OSGEPL1: variants seen among roughly 807,000 people sequenced by gnomAD.
OSGEPL1 encodes the protein O-sialoglycoprotein endopeptidase like 1.
Under a neutral mutation model 37.2 loss-of-function variants are expected in OSGEPL1, and 26 were observed. That is an observed-to-expected ratio of 0.70 (90% CI 0.51 to 0.97). OSGEPL1 has a LOEUF of 0.97. OSGEPL1 is among the 50% of genes least tolerant of loss of function. OSGEPL1 has a pLI of 0.00. For missense variants in OSGEPL1, 404 were observed against 487.0 expected (o/e 0.83, Z 1.60); for synonymous variants, 140 against 159.9 (o/e 0.88, Z 0.94).
intron 8 of OSGEPL1, 37 bp downstream of exon 8, chr2:189,750,513 C>T (rs945628694): frequency 1.2e-6 from 1 of 822,282 alleles, no homozygotes; most frequent in African/African-American, 1.7e-5. Flanking sequence ...ATTTGATACA[C>T]AAAACAATAA....
chr2:189,763,015 A>C, upstream of OSGEPL1: 1 of 985,328 alleles, frequency 1.0e-6, no homozygotes, highest in Non-Finnish European at 1.2e-6. Context: ...ACACAACATC[A>C]AGTTCCAAAC....
intron 5 of OSGEPL1, among the ~76,000 whole-genome samples, chr2:189,753,436 G>T (rs2045597200): frequency 6.6e-6 from 1 of 151,990 alleles, no homozygotes; most frequent in Admixed American, 6.6e-5. Context: ...TGTTTGTCAA[G>T]GCTTTTAAGC....
Position 189,761,605 on chromosome 2 carries a change from A to T in OSGEPL1, c.36T>A (p.Phe12Leu). The change falls in exon 2 of 9, where the codon TTT (phenylalanine) becomes TTA (leucine). Residue 12 changes from phenylalanine to leucine, a missense_variant. Physicochemically the swap from Phe to Leu is conservative, Grantham distance 22. Coordinates refer to ENST00000264151, the MANE Select transcript of OSGEPL1 (RefSeq NM_022353.3). ...LILTKTAGVF[F>L]KPSKRKVYEF... is the part of the protein sequence containing the mutation. Reference sequence around the variant, plus strand: ...CATAAACTTTCCTTTTTGATGGTTTAAAAAAAACTCCTGCAGTCTTAGTCA... The same window carrying T: ...CATAAACTTTCCTTTTTGATGGTTTTAAAAAAACTCCTGCAGTCTTAGTCA... 2 of 1,603,020 alleles carry T rather than the reference A, an allele frequency of 1.2e-6. No individual in the cohort carries two copies. The highest frequency in any genetic ancestry group is 1.7e-6 in the Non-Finnish European group (2 of 1,174,814).
chr2:189,751,116 A>T (rs114619732), intron 7 of OSGEPL1, among the ~76,000 whole-genome samples: 1,583 of 152,258 alleles, frequency 0.01, 36 homozygotes, highest in African/African-American at 0.036. Flanking sequence ...CTTTGCCATT[A>T]CTAGCCAAAG....
At chr2:189,759,136 C>G (rs529076805) in intron 2 of OSGEPL1, among the ~76,000 whole-genome samples, 1 of 152,334 alleles carries the variant, frequency 6.6e-6, no homozygotes, top group South Asian at 2.1e-4. Flanking sequence ...CAGTGCCTTA[C>G]TAATATCCAA....
chr2:189,760,364 G>C (rs1003596814), intron 2 of OSGEPL1, among the ~76,000 whole-genome samples: 3 of 152,094 alleles, frequency 2.0e-5, no homozygotes, highest in African/African-American at 7.2e-5. Flanking sequence ...CCTAAGACGG[G>C]GCGGCTGCCG....
intron 8 of OSGEPL1, among the ~76,000 whole-genome samples, chr2:189,749,276 T>G (rs917045331): frequency 9.2e-6 from 1 of 108,560 alleles, no homozygotes; most frequent in Non-Finnish European, 1.8e-5. Context: ...AAGATTATTT[T>G]TATTACTCCA....
At position 189,762,698 on chromosome 2, in the gene OSGEPL1, G is replaced by A. The variant is rs1468560897; in HGVS notation, c.-34C>T. On this transcript the variant is annotated 5_prime_UTR_variant, in exon 1 of 9. Transcript: ENST00000264151. ...AATTTCACCCACCTTCCACTTGGGC[G>A]GCAGTAGCTAGCACTTGTCTCCTTT... The A allele has an allele frequency of 2.0e-6, 2 of 985,388 alleles. No individual in the cohort carries two copies. Among genetic ancestry groups the A allele is most frequent in the Non-Finnish European group, 2.4e-6 (2 of 829,954 alleles). The allele number at this position is 985,388 out of a possible 1,614,324, so 61.0% of individuals were successfully genotyped here. A position where few individuals can be genotyped will look rare whatever the true frequency, so the allele number is the denominator to read the frequency against.
At chr2:189,755,651 T>A in intron 2 of OSGEPL1, 91 bp from the exon 3 acceptor site, 1 of 1,362,700 alleles carries the variant, frequency 7.3e-7, no homozygotes, top group Non-Finnish European at 9.9e-7. Context: ...TTCAAGTTAA[T>A]CATTATATAG....
chr2:189,758,965 G>C (rs1034214775), intron 2 of OSGEPL1, among the ~76,000 whole-genome samples: 1 of 152,174 alleles, frequency 6.6e-6, no homozygotes, highest in Non-Finnish European at 1.5e-5. Flanking sequence ...AAAACTGAAA[G>C]GACTGTGAAG....
intron 2 of OSGEPL1, among the ~76,000 whole-genome samples, chr2:189,758,324 T>G (rs937385986): frequency 9.9e-5 from 15 of 151,994 alleles, no homozygotes; most frequent in Non-Finnish European, 1.8e-4. Context: ...GAGGTTGTGA[T>G]GAGCCAAGAT....
Position 189,755,445 on chromosome 2 carries a change from C to T in OSGEPL1, c.337G>A (p.Ala113Thr). ...GCAAGTCCTGGTTTTATGGTAGTTG[C>T]AATTGCTGAGAGGTCACTTGGAGAG... ...GVSPSDLSAI[A>T]TTIKPGLALS... is the part of the protein sequence containing the mutation. Residue 113 changes from alanine to threonine, a missense_variant, in exon 3 of 9, where the codon GCA becomes ACA. Transcript: ENST00000264151. 1.2e-6 allele frequency: 2 copies of T among 1,607,588 alleles called. No homozygotes were observed. The highest frequency in any genetic ancestry group is 2.2e-5 in the South Asian group (2 of 89,860).
In OSGEPL1 at chr2:189,755,219, A is replaced by T. The variant is rs980335497; in HGVS notation, c.563T>A (p.Leu188His). ...ALVQGVSDFL[L>H]LGKSLDIAPG... is the part of the protein sequence containing the mutation. ...TGCTATGTCCAAAGACTTTCCAAGA[A>T]GCAGAAAATCTGAAACTCCTTGAAC... Residue 188 changes from leucine (L) to histidine (H), a missense_variant, in exon 3 of 9, where the codon CTT becomes CAT. By Grantham distance (99) the Leu-to-His change is moderately conservative (BLOSUM62 -3). Transcript: ENST00000264151. 6 of 1,612,016 alleles carry T rather than the reference A, an allele frequency of 3.7e-6. No individual in the cohort carries two copies. Among genetic ancestry groups the T allele is most frequent in the African/African-American group, 1.3e-5 (1 of 74,844 alleles).
At position 189,752,896 on chromosome 2, in the gene OSGEPL1, C is replaced by T. The variant is rs1421957773; in HGVS notation, c.1047G>A (p.Leu349=). The change falls in exon 6 of 9, where the codon TTG becomes TTA. Residue 349 remains leucine (L), a synonymous_variant. Transcript: ENST00000264151. ...CAGTGCATAGTCTGGGAGGAGGACA[C>T]AACAAAGTGCACTGTGTTGCATTTG... ...ILTNATQCTL[L]CPPPRLCTDN... 3 of 1,613,874 alleles carry T rather than the reference C, an allele frequency of 1.9e-6. No homozygotes were observed. In the South Asian group the frequency reaches 3.3e-5, roughly 18 times the overall value.
Position 189,752,715 on chromosome 2 carries a change from A to G in OSGEPL1, c.1104T>C (p.Ile368=). ...DNGIMIAWNG[I]ERLRAGLGIL... is the part of the protein sequence containing the mutation. The stretch of plus-strand genomic sequence containing the variant: ...TGCCCAAGCCAGCACGTAGTCTTTC[A>G]ATACCATTCCTAAATAAGAAGCATT... Residue 368 remains isoleucine (I), a synonymous_variant, in exon 7 of 9, where the codon ATT becomes ATC. Transcript: ENST00000264151. 1 of 1,613,930 alleles carries G rather than the reference A, an allele frequency of 6.2e-7. No homozygotes were observed. Among genetic ancestry groups the G allele is most frequent in the Non-Finnish European group, 8.5e-7 (1 of 1,179,874 alleles).
chr2:189,755,645 A>C, intron 2 of OSGEPL1, 85 bp from the exon 3 acceptor site: 1 of 1,409,532 alleles, frequency 7.1e-7, no homozygotes, highest in East Asian at 2.4e-5. Context: ...CATGTCTTCA[A>C]GTTAATCATT....
intron 2 of OSGEPL1, 188 bp downstream of exon 2, chr2:189,761,232 T>G (rs1341835492): frequency 2.1e-6 from 1 of 478,142 alleles, no homozygotes; most frequent in African/African-American, 2.0e-5. Flanking sequence ...TAGTTAAGGT[T>G]GGGACCTTAT....
chr2:189,750,686 T>G, intron 7 of OSGEPL1, 30 bp from the exon 8 acceptor site: 1 of 1,525,428 alleles, frequency 6.6e-7, no homozygotes, highest in Non-Finnish European at 8.8e-7. Flanking sequence ...ATCGTATTAT[T>G]TATTTGCTTC....
rs1464295884 is a variant in OSGEPL1, at chr2:189,755,276, A to C, written c.506T>G (p.Leu169Trp). 1 of 1,613,504 alleles carries C rather than the reference A, an allele frequency of 6.2e-7. No homozygotes were observed. The change falls in exon 3 of 9, where the codon TTG (leucine) becomes TGG (tryptophan). Residue 169 changes from leucine (L) to tryptophan (W), a missense_variant. Transcript: ENST00000264151. ...NKVEFPFLVLLISGGHCLLAL... is the reference protein window; with the variant it reads ...NKVEFPFLVLWISGGHCLLAL... ...CAACAGACAGTGACCTCCAGAAATCAAAAGAACTAAAAAAGGAAATTCTAC... is the reference window on the plus strand; with the variant it reads ...CAACAGACAGTGACCTCCAGAAATCCAAAGAACTAAAAAAGGAAATTCTAC...
Sources: allele counts gnomAD v4.1 joint callset (sites outside exome capture counted in the v4.1 genomes callset), GRCh38; gene constraint gnomAD v4.1.1; transcripts MANE v1.5; gene names NCBI Gene and HGNC (gene_info 2026-07-23, HGNC 2026-07-21).